Variants in SLIT2 observed in about 807,000 individuals in gnomAD.
The protein encoded by SLIT2 is slit guidance ligand 2, also known as slit homolog 2 protein.
SLIT2 carries 41 observed loss-of-function variants against 185.7 expected under a neutral mutation model. That is an observed-to-expected ratio of 0.22 (90% confidence interval 0.17 to 0.29). The LOEUF is 0.29. Ranked by LOEUF, SLIT2 falls within the 10% of genes least tolerant of loss-of-function variation. The pLI is 1.00. For synonymous variants in SLIT2, 693 were observed against 680.2 expected, an observed-to-expected ratio of 1.02 and a Z score of -0.29; for missense variants, 1,571 against 1,909.0, an observed-to-expected ratio of 0.82 and a Z score of 3.30.
intron 5 of SLIT2, among the ~76,000 whole-genome samples, chr4:20,472,258 C>CTATATAGATCTA (rs1715164266): frequency 1.3e-4 from 4 of 31,246 alleles, no homozygotes; most frequent in Non-Finnish European, 2.1e-4. Flanking sequence ...ATATATAGAT[C>CTATATAGATCTA]TATATATAGA....
intron 4 of SLIT2, among the ~76,000 whole-genome samples, chr4:20,314,741 G>A (rs1349286145): frequency 6.6e-6 from 1 of 151,994 alleles, no homozygotes; most frequent in African/African-American, 2.4e-5. Flanking sequence ...CAATATAAGG[G>A]AAATTGAAAA....
intron 4 of SLIT2, among the ~76,000 whole-genome samples, chr4:20,331,383 T>C (rs1052460609): frequency 9.9e-5 from 15 of 152,174 alleles, no homozygotes; most frequent in African/African-American, 1.4e-4. Flanking sequence ...AGTAAACTAG[T>C]GCAACAGTCT....
At chr4:20,461,684 G>A (rs1437366689) in intron 4 of SLIT2, among the ~76,000 whole-genome samples, 1 of 152,212 alleles carries the variant, frequency 6.6e-6, no homozygotes, top group East Asian at 1.9e-4. Context: ...GGATTTGCTA[G>A]TGGTTTGGAC....
rs150565156 is a variant in SLIT2 at position 20,576,055 on chromosome 4, G to A, written c.3088+7051G>A. Among the ~76,000 whole-genome samples the A allele has an allele frequency of 7.5e-3, 1,143 of 152,152 alleles. 6 individuals are homozygous for A. The highest frequency in any genetic ancestry group is 0.01 in the Non-Finnish European group (690 of 68,002). On this transcript the variant is annotated intron_variant, in intron 29 of 36. Transcript: ENST00000504154. ...TGAGAGTAACATGTAACTATGTATCGGAAAACACTTTGAATTGGTAAATGT... is the reference window on the plus strand; with the variant it reads ...TGAGAGTAACATGTAACTATGTATCAGAAAACACTTTGAATTGGTAAATGT...
intron 4 of SLIT2, chr4:20,393,401 A>T (rs1221900427): frequency 6.6e-6 from 1 of 152,076 alleles, no homozygotes; most frequent in Non-Finnish European, 1.5e-5. Context: ...CATTCTCCGA[A>T]TATGATAATG....
At chr4:20,548,994 T>G in intron 23 of SLIT2, 63 bp from the exon 24 acceptor site, 1 of 883,080 alleles carries the variant, frequency 1.1e-6, no homozygotes, top group South Asian at 1.3e-5. Context: ...TGCTTTATTT[T>G]TGGAAGTATT....
chr4:20,401,996 C>T (rs1330268156), intron 4 of SLIT2, among the ~76,000 whole-genome samples: 1 of 151,600 alleles, frequency 6.6e-6, no homozygotes, highest in South Asian at 2.1e-4. Context: ...ATTTGATTGG[C>T]GATCCTTGAA....
intron 29 of SLIT2, among the ~76,000 whole-genome samples, chr4:20,586,197 C>T (rs1727044012): frequency 1.3e-5 from 2 of 152,134 alleles, no homozygotes; most frequent in Non-Finnish European, 2.9e-5. Flanking sequence ...ATTAAAGAAA[C>T]AGTCCAATGA....
intron 4 of SLIT2, among the ~76,000 whole-genome samples, chr4:20,445,200 T>C (rs1711625874): frequency 6.6e-6 from 1 of 152,206 alleles, no homozygotes; most frequent in African/African-American, 2.4e-5. Flanking sequence ...AAATGATAAA[T>C]TGGTTTCTAC....
chr4:20,592,152 G>T (rs1727564765), intron 30 of SLIT2, among the ~76,000 whole-genome samples: 1 of 152,230 alleles, frequency 6.6e-6, no homozygotes, highest in East Asian at 1.9e-4. Flanking sequence ...AATCTCTACT[G>T]ACAAATGTTG....
intron 12 of SLIT2, among the ~76,000 whole-genome samples, chr4:20,522,958 AAAAT>A (rs1258555374): frequency 6.6e-6 from 1 of 152,140 alleles, no homozygotes; most frequent in East Asian, 1.9e-4. Context: ...TAGCAGAAAA[AAAAT>A]GTATATATTT....
intron 4 of SLIT2, among the ~76,000 whole-genome samples, chr4:20,318,534 G>A (rs1371251760): frequency 1.3e-5 from 2 of 152,136 alleles, no homozygotes; most frequent in African/African-American, 4.8e-5. Flanking sequence ...CCCCTTGAAG[G>A]GGCTTCGGCT....
chr4:20,573,255 A>G (rs1725771258), intron 29 of SLIT2: 1 of 702,750 alleles, frequency 1.4e-6, no homozygotes, highest in Non-Finnish European at 2.6e-6. Context: ...AATGAGGTGG[A>G]AAAAGGTTAG....
At chr4:20,505,577 T>C (rs1192551869) in intron 9 of SLIT2, among the ~76,000 whole-genome samples, 1 of 152,094 alleles carries the variant, frequency 6.6e-6, no homozygotes, top group Non-Finnish European at 1.5e-5. Flanking sequence ...AGTTTTTTAA[T>C]TGCCCAGTCA....
At chr4:20,294,361 A>G (rs1716265377) in intron 4 of SLIT2, among the ~76,000 whole-genome samples, 1 of 151,898 alleles carries the variant, frequency 6.6e-6, no homozygotes, top group Admixed American at 6.6e-5. Context: ...AAAAAAAAAA[A>G]AGAAAGCACC....
intron 18 of SLIT2, among the ~76,000 whole-genome samples, chr4:20,536,743 A>T (rs996426542): frequency 9.9e-5 from 15 of 151,044 alleles, no homozygotes; most frequent in Non-Finnish European, 2.1e-4. Context: ...TAGCTTAAAC[A>T]CATTGTTCAG....
intron 4 of SLIT2, among the ~76,000 whole-genome samples, chr4:20,453,559 T>A (rs1057020683): frequency 1.3e-5 from 2 of 152,200 alleles, no homozygotes; most frequent in Non-Finnish European, 2.9e-5. Flanking sequence ...TTCTAAATGT[T>A]AGTCTTAATT....
At chr4:20,296,231 G>A (rs1165479816) in intron 4 of SLIT2, among the ~76,000 whole-genome samples, 1 of 152,088 alleles carries the variant, frequency 6.6e-6, no homozygotes, top group African/African-American at 2.4e-5. Flanking sequence ...CATACTTACA[G>A]TAATTTCAAA....
At chr4:20,472,408 CTATA>C (rs1201042564) in intron 5 of SLIT2, among the ~76,000 whole-genome samples, 2 of 32,448 alleles carry the variant, frequency 6.2e-5, no homozygotes, top group African/African-American at 3.7e-4. Context: ...ATATAGATAT[CTATA>C]TATCTATATA....
Sources: gnomAD v4.1 joint callset for allele counts (sites outside exome capture counted in the v4.1 genomes callset) on GRCh38, gnomAD v4.1.1 for gene constraint, MANE v1.5 for transcripts, NCBI Gene and HGNC (gene_info 2026-07-23, HGNC 2026-07-21) for gene names.